The following PEPD variants were observed in gnomAD, a reference collection of about 807,000 sequenced individuals.
PEPD encodes peptidase D.
In PEPD, 53 loss-of-function variants were observed where a neutral mutation model predicts 60.7. The ratio of observed to expected loss-of-function variants is 0.87; its 90% CI spans 0.70 to 1.10. PEPD has a LOEUF of 1.10. Ranked by LOEUF, PEPD falls within the 50% of genes least tolerant of loss-of-function variation. The pLI is 0.00. For synonymous variants in PEPD, 267 were observed against 284.1 expected (o/e 0.94, Z 0.60); for missense variants, 711 against 711.9 (o/e 1.00, Z 0.01).
chr19:33,499,474 G>A (rs188771093), intron 4 of PEPD, among the ~76,000 whole-genome samples: 11 of 152,276 alleles, frequency 7.2e-5, no homozygotes, highest in Admixed American at 7.2e-4. Context: ...CCTGGGTCTC[G>A]GCCACCTCTG....
chr19:33,469,438 C>T lies in PEPD; in HGVS notation c.549-5376G>A, dbSNP rs894073256. On this transcript the variant is annotated intron_variant, in intron 7 of 14. Coordinates refer to ENST00000244137, the MANE Select transcript of PEPD (RefSeq NM_000285.4). Reference sequence around the variant, plus strand: ...ACCTTCCGAAGATATCTACCCCCAACTTCTGCCCCCCACGGGAGCCGCCAC... The same window carrying T: ...ACCTTCCGAAGATATCTACCCCCAATTTCTGCCCCCCACGGGAGCCGCCAC... Among the ~76,000 whole-genome samples, 6 of 152,340 alleles carry T rather than the reference C, an allele frequency of 3.9e-5. No individual in the cohort carries two copies. The South Asian group carries it at 1.2e-3, about 32-fold the overall frequency.
At chr19:33,394,755 C>T (rs915614169) in intron 12 of PEPD, among the ~76,000 whole-genome samples, 9 of 152,304 alleles carry the variant, frequency 5.9e-5, no homozygotes, top group East Asian at 1.9e-4. Context: ...AAGGCACCCC[C>T]GGCCCCTAGC....
At chr19:33,448,213 C>G (rs1477435552) in intron 9 of PEPD, among the ~76,000 whole-genome samples, 1 of 152,228 alleles carries the variant, frequency 6.6e-6, no homozygotes, top group African/African-American at 2.4e-5. Flanking sequence ...CCAAACCTCA[C>G]AGCATAATCA....
chr19:33,388,014 A>G lies in PEPD; in HGVS notation c.1220T>C (p.Met407Thr), dbSNP rs760080753. ...LRTARHLQPG[M>T]VLTVEPGIYF... ...GATGCCCGGCTCCACGGTGAGCACC[A>G]TGCCTGGCTGCAGGTGCCGTGCAGT... The change falls in exon 14 of 15, where the codon ATG (methionine) becomes ACG (threonine). Residue 407 changes from methionine (M) to threonine (T), a missense_variant. Transcript: ENST00000244137. 6.4e-7 allele frequency: 1 copy of G among 1,571,364 alleles called. No homozygotes were observed. Among genetic ancestry groups the G allele is most frequent in the South Asian group, 1.2e-5 (1 of 85,728 alleles).
intron 3 of PEPD, 67 bp from the exon 4 acceptor site, chr19:33,501,068 G>T: frequency 1.1e-6 from 1 of 941,030 alleles, no homozygotes; most frequent in Non-Finnish European, 1.8e-6. Context: ...CCACCTTCCT[G>T]CCTGCCAAGC....
chr19:33,424,728 G>C (rs758684824), intron 9 of PEPD, among the ~76,000 whole-genome samples: 3 of 152,146 alleles, frequency 2.0e-5, no homozygotes, highest in Non-Finnish European at 4.4e-5. Flanking sequence ...AATTATAAAG[G>C]AAAAGAGGTT....
chr19:33,414,482 C>T lies in PEPD; in HGVS notation c.672-839G>A, dbSNP rs553728889. Among the ~76,000 whole-genome samples the T allele has an allele frequency of 3.3e-3, 501 of 152,266 alleles. 4 individuals are homozygous for T. The highest frequency in any genetic ancestry group is 3.5e-3 in the Non-Finnish European group (235 of 68,010). ...GAACCCAGCTGGTGAGGGGTGTGGT[C>T]GTGGGGAGCTGCCCTCACCCCCTCC... is the stretch of plus-strand genomic sequence containing the variant. On this transcript the variant is annotated intron_variant, in intron 9 of 14. Coordinates refer to ENST00000244137, the MANE Select transcript of PEPD (RefSeq NM_000285.4).
chr19:33,516,855 T>C (rs1971031594), intron 1 of PEPD, among the ~76,000 whole-genome samples: 1 of 152,246 alleles, frequency 6.6e-6, no homozygotes, highest in African/African-American at 2.4e-5. Context: ...TTTAATACCA[T>C]GTTATTGCTC....
intron 12 of PEPD, among the ~76,000 whole-genome samples, chr19:33,393,153 G>A (rs960410758): frequency 2.6e-5 from 4 of 152,068 alleles, no homozygotes; most frequent in African/African-American, 9.7e-5. Flanking sequence ...TGAGGTGGGG[G>A]CGGCCGTCCC....
chr19:33,481,791 G>A (rs905548366), intron 6 of PEPD, among the ~76,000 whole-genome samples: 2 of 152,114 alleles, frequency 1.3e-5, no homozygotes, highest in South Asian at 2.1e-4. Context: ...CACTCTGGGA[G>A]GCAGAGGTGG....
chr19:33,504,502 G>A (rs567760632), intron 3 of PEPD, among the ~76,000 whole-genome samples: 5 of 152,342 alleles, frequency 3.3e-5, no homozygotes, highest in African/African-American at 9.6e-5. Flanking sequence ...CGTGGCTCAC[G>A]CCTGTAATCC....
At chr19:33,467,357 T>A (rs1235500115) in intron 7 of PEPD, among the ~76,000 whole-genome samples, 4 of 151,876 alleles carry the variant, frequency 2.6e-5, no homozygotes, top group Non-Finnish European at 2.9e-5. Context: ...GCTTTTTTTT[T>A]TAACCTTTTA....
chr19:33,487,013 G>A (rs1027845362), intron 6 of PEPD: 1 of 152,434 alleles, frequency 6.6e-6, no homozygotes, highest in African/African-American at 2.4e-5. Flanking sequence ...CTTCATCAGA[G>A]CAGTGAGAGG....
At chr19:33,426,944 T>C (rs1969164484) in intron 9 of PEPD, among the ~76,000 whole-genome samples, 1 of 152,208 alleles carries the variant, frequency 6.6e-6, no homozygotes, top group Non-Finnish European at 1.5e-5. Context: ...GGACAGGCCC[T>C]AGGTGGGCAG....
At chr19:33,487,800 C>G (rs2145313053) in intron 6 of PEPD, among the ~76,000 whole-genome samples, 1 of 152,270 alleles carries the variant, frequency 6.6e-6, no homozygotes, top group Middle Eastern at 3.4e-3. Flanking sequence ...GCACAGGCTC[C>G]TCTGGGCTCT....
At position 33,435,459 on chromosome 19, in the gene PEPD, G is replaced by A. The variant is rs558697046; in HGVS notation, c.672-21816C>T. Among the ~76,000 whole-genome samples, 558 of 152,358 alleles carry A rather than the reference G, an allele frequency of 3.7e-3. 4 individuals carry two copies. The highest frequency in any genetic ancestry group is 0.013 in the African/African-American group (535 of 41,588). On this transcript the variant is annotated intron_variant, in intron 9 of 14. Coordinates refer to ENST00000244137, the MANE Select transcript of PEPD (RefSeq NM_000285.4). ...TCCGGCTGCCCGGGCCCCTCGGCAGGGACAGGTGCCAGGAGGTGAGGGGCG... is the reference window on the plus strand; with the variant it reads ...TCCGGCTGCCCGGGCCCCTCGGCAGAGACAGGTGCCAGGAGGTGAGGGGCG...
At chr19:33,426,819 G>A (rs982885753) in intron 9 of PEPD, among the ~76,000 whole-genome samples, 1 of 152,244 alleles carries the variant, frequency 6.6e-6, no homozygotes, top group Non-Finnish European at 1.5e-5. Context: ...AGATGCCTGT[G>A]AAAGACGTCT....
intron 7 of PEPD, among the ~76,000 whole-genome samples, chr19:33,464,990 T>G (rs932895392): frequency 4.6e-5 from 7 of 152,168 alleles, no homozygotes; most frequent in African/African-American, 1.7e-4. Flanking sequence ...CCAGTTCAGC[T>G]CCACCCCTTC....
intron 9 of PEPD, among the ~76,000 whole-genome samples, chr19:33,426,641 C>A (rs1969156259): frequency 6.6e-6 from 1 of 152,230 alleles, no homozygotes; most frequent in Non-Finnish European, 1.5e-5. Context: ...GATACAGGGA[C>A]CTGGTCACCC....
Sources: gnomAD v4.1 joint callset for allele counts (sites outside exome capture counted in the v4.1 genomes callset) on GRCh38, gnomAD v4.1.1 for gene constraint, MANE v1.5 for transcripts, NCBI Gene and HGNC (gene_info 2026-07-23, HGNC 2026-07-21) for gene names.